COLEC12: variants seen among roughly 807,000 people sequenced by gnomAD.
The protein encoded by COLEC12 is collectin subfamily member 12, also known as collectin-12.
In COLEC12, 33 loss-of-function variants were observed where a neutral mutation model predicts 71.1. The observed-to-expected ratio is 0.46, with a 90% CI of 0.35 to 0.62. The LOEUF (loss-of-function observed/expected upper bound fraction) is 0.62, where lower values mean the gene tolerates loss of function less well. Ranked by LOEUF, COLEC12 falls within the 20% of genes least tolerant of loss-of-function variation. COLEC12 has a pLI of 0.00. For missense variants in COLEC12, 765 were observed against 916.1 expected (o/e 0.84, Z 2.13); for synonymous variants, 350 against 353.0 (o/e 0.99, Z 0.10).
intron 2 of COLEC12, among the ~76,000 whole-genome samples, chr18:375,268 C>T (rs1296387936): frequency 6.6e-6 from 1 of 152,214 alleles, no homozygotes; most frequent in Non-Finnish European, 1.5e-5. Context: ...CCATGCTGGC[C>T]TCCTCACCAG....
At chr18:446,324 G>A (rs1316865047) in intron 2 of COLEC12, among the ~76,000 whole-genome samples, 2 of 152,118 alleles carry the variant, frequency 1.3e-5, no homozygotes, top group Admixed American at 1.3e-4. Context: ...ACCCCTAAGA[G>A]TGAAACTGCT....
intron 2 of COLEC12, among the ~76,000 whole-genome samples, chr18:431,330 T>C (rs1916298752): frequency 6.6e-6 from 1 of 152,156 alleles, no homozygotes; most frequent in Admixed American, 6.5e-5. Context: ...GATTGGTTAC[T>C]GATGTGGGGT....
chr18:388,656 G>A (rs151007710), intron 2 of COLEC12, among the ~76,000 whole-genome samples: 1 of 152,208 alleles, frequency 6.6e-6, no homozygotes, highest in East Asian at 1.9e-4. Flanking sequence ...TGCATGGCAC[G>A]AACTCAGCTC....
chr18:416,796 A>G (rs1349304963), intron 2 of COLEC12, among the ~76,000 whole-genome samples: 6 of 148,504 alleles, frequency 4.0e-5, no homozygotes, highest in Non-Finnish European at 8.9e-5. Flanking sequence ...AATTAAATTT[A>G]GAAGACCTAT....
intron 2 of COLEC12, among the ~76,000 whole-genome samples, chr18:451,695 C>T (rs574895799): frequency 2.6e-5 from 4 of 151,604 alleles, no homozygotes; most frequent in Non-Finnish European, 4.4e-5. Context: ...TGCAGTGAGT[C>T]GAGATCACGC....
intron 3 of COLEC12, among the ~76,000 whole-genome samples, chr18:353,088 C>T (rs1914558261): frequency 1.3e-5 from 2 of 152,178 alleles, no homozygotes; most frequent in South Asian, 4.1e-4. Flanking sequence ...TATAAAAGCA[C>T]TTCGGTATCA....
intron 2 of COLEC12, among the ~76,000 whole-genome samples, chr18:385,786 G>A (rs2143574763): frequency 6.6e-6 from 1 of 152,178 alleles, no homozygotes; most frequent in Non-Finnish European, 1.5e-5. Flanking sequence ...TCTAAGAACA[G>A]CAAAGTACAT....
chr18:366,043 A>C (rs8099279), intron 2 of COLEC12, among the ~76,000 whole-genome samples: 28,524 of 152,130 alleles, frequency 0.19, 3,226 homozygotes, highest in South Asian at 0.27. Flanking sequence ...CATTCTTGCT[A>C]CATCCTGTTT....
intron 8 of COLEC12, among the ~76,000 whole-genome samples, chr18:322,854 T>C (rs530240665): frequency 4.0e-4 from 61 of 151,932 alleles, no homozygotes; most frequent in Non-Finnish European, 7.6e-4. Flanking sequence ...GAAAGGACAG[T>C]TGAAGTTTAG....
intron 2 of COLEC12, among the ~76,000 whole-genome samples, chr18:375,634 A>G (rs1352509044): frequency 1.3e-5 from 2 of 152,204 alleles, no homozygotes; most frequent in Non-Finnish European, 1.5e-5. Context: ...AGTAGGTAGG[A>G]CCACAGGCGT....
intron 2 of COLEC12, among the ~76,000 whole-genome samples, chr18:465,149 A>G (rs545018759): frequency 6.6e-6 from 1 of 152,278 alleles, no homozygotes; most frequent in South Asian, 2.1e-4. Flanking sequence ...TCTCACCCAG[A>G]CTGGAGTGCA....
In COLEC12 at chr18:377,245, G is replaced by T. The variant is rs183817983; in HGVS notation, c.59-19723C>A. ...CTGTAAAACCCAGTGCTCAGCAAGC[G>T]GCTGAAACCATTTCAATGCAAATGG... On this transcript the variant is annotated intron_variant, in intron 2 of 9. Coordinates refer to ENST00000400256, the MANE Select transcript of COLEC12 (RefSeq NM_130386.3). Among the ~76,000 whole-genome samples, 158 of 152,334 alleles carry T rather than the reference G, an allele frequency of 1.0e-3. 1 individual carries two copies. The highest frequency in any genetic ancestry group is 3.6e-3 in the African/African-American group (151 of 41,578).
At chr18:364,924 A>G (rs1914823327) in intron 2 of COLEC12, among the ~76,000 whole-genome samples, 1 of 152,192 alleles carries the variant, frequency 6.6e-6, no homozygotes, top group South Asian at 2.1e-4. Flanking sequence ...CAAGCCAGTG[A>G]GTAGCTGAGC....
chr18:479,550 T>TCA (rs71174235), intron 2 of COLEC12, among the ~76,000 whole-genome samples: 6,196 of 149,332 alleles, frequency 0.041, 177 homozygotes, highest in Admixed American at 0.12. Context: ...TCTCTCTCTC[T>TCA]CACACACACA....
chr18:464,829 G>T (rs1015225737), intron 2 of COLEC12, among the ~76,000 whole-genome samples: 3 of 152,304 alleles, frequency 2.0e-5, no homozygotes, highest in Non-Finnish European at 2.9e-5. Flanking sequence ...CAAATGAAAA[G>T]AACTCATTCC....
At chr18:344,266 C>T (rs373461953) in intron 5 of COLEC12, among the ~76,000 whole-genome samples, 1 of 152,178 alleles carries the variant, frequency 6.6e-6, no homozygotes, top group Non-Finnish European at 1.5e-5. Context: ...TCAGCTAATA[C>T]CCATTTTATG....
chr18:332,870 A>G, intron 7 of COLEC12, 137 bp downstream of exon 7: 1 of 723,538 alleles, frequency 1.4e-6, no homozygotes, highest in Non-Finnish European at 2.2e-6. Flanking sequence ...TGAAACCCAA[A>G]TCTCTGTAAT....
intron 2 of COLEC12, among the ~76,000 whole-genome samples, chr18:478,125 G>T (rs1270843443): frequency 6.6e-6 from 1 of 152,146 alleles, no homozygotes; most frequent in African/African-American, 2.4e-5. Context: ...CAGAGCTGCA[G>T]GGTCCCCCTC....
rs577722990 is a variant in COLEC12 at position 344,216 on chromosome 18, A to G, written c.1327+2079T>C. On this transcript the variant is annotated intron_variant, in intron 5 of 9. Transcript: ENST00000400256. The stretch of plus-strand genomic sequence containing the variant: ...ACCTGCAACTGTCCAGCCCCTCCAG[A>G]GCTGGGGCATCCTGATTGAGTAGGG... Among the ~76,000 whole-genome samples, 45 of 152,276 alleles carry G rather than the reference A, an allele frequency of 3.0e-4. 1 individual carries two copies. In the South Asian group the frequency reaches 9.1e-3, roughly 31 times the overall value.
Sources: allele counts gnomAD v4.1 joint callset (sites outside exome capture counted in the v4.1 genomes callset), GRCh38; gene constraint gnomAD v4.1.1; transcripts MANE v1.5; gene names NCBI Gene and HGNC (gene_info 2026-07-23, HGNC 2026-07-21).